Variants in GREB1 observed in about 807,000 individuals in gnomAD.
GREB1 encodes protein GREB1.
GREB1 carries 106 observed loss-of-function variants against 200.7 expected under a neutral mutation model. That is an observed-to-expected ratio of 0.53 (90% CI 0.45 to 0.62). The LOEUF (loss-of-function observed/expected upper bound fraction) is 0.62. GREB1 is among the 20% of genes least tolerant of loss of function. GREB1 has a pLI of 0.00. For missense variants in GREB1, 2,243 were observed against 2,556.8 expected (o/e 0.88, Z 2.65); for synonymous variants, 1,132 against 1,092.4 (o/e 1.04, Z -0.72).
intron 1 of GREB1, among the ~76,000 whole-genome samples, chr2:11,512,446 G>C (rs1206946922): frequency 6.6e-6 from 1 of 152,202 alleles, no homozygotes; most frequent in Non-Finnish European, 1.5e-5. Context: ...TGTGTATTTA[G>C]TAATGAATGC....
At chr2:11,619,396 G>T (rs1256943386) in intron 22 of GREB1, among the ~76,000 whole-genome samples, 2 of 152,162 alleles carry the variant, frequency 1.3e-5, no homozygotes, top group African/African-American at 4.8e-5. Flanking sequence ...GTGAGCCTGT[G>T]GGGAGGAGGA....
In GREB1 at chr2:11,585,204, G is replaced by A. The variant is rs1306510911; in HGVS notation, c.945G>A (p.Gly315=). Residue 315 remains glycine, a synonymous_variant, in exon 8 of 33, where the codon GGG becomes GGA. Transcript: ENST00000381486. ...NSGPPKKRHK[G]WSPESPSAPD... ...GGCCCCCCAAAAAACGCCACAAAGG[G>A]TGGTCTCCAGAATCTCCATCAGCTC... is the stretch of plus-strand genomic sequence containing the variant. 1 of 1,586,882 alleles carries A rather than the reference G, an allele frequency of 6.3e-7. No homozygotes were observed. Among genetic ancestry groups the A allele is most frequent in the Non-Finnish European group, 8.6e-7 (1 of 1,169,272 alleles).
intron 23 of GREB1, among the ~76,000 whole-genome samples, chr2:11,624,564 C>T (rs1405948583): frequency 2.6e-5 from 4 of 151,960 alleles, no homozygotes; most frequent in South Asian, 2.1e-4. Context: ...AGACTGGTCT[C>T]GAACTCCTGA....
At chr2:11,542,726 A>C (rs1250620855) in intron 1 of GREB1, 2 of 152,642 alleles carry the variant, frequency 1.3e-5, no homozygotes, top group Non-Finnish European at 2.9e-5. Context: ...GTTCATGGAG[A>C]AAGAATCAAA....
intron 1 of GREB1, among the ~76,000 whole-genome samples, chr2:11,549,610 G>A (rs546788690): frequency 3.9e-5 from 6 of 152,148 alleles, no homozygotes; most frequent in Admixed American, 6.5e-5. Flanking sequence ...TCCATTCTTT[G>A]TATCTTGATC....
At chr2:11,618,149 GGT>G in intron 21 of GREB1, 137 bp from the exon 22 acceptor site, 2 of 530,184 alleles carry the variant, frequency 3.8e-6, no homozygotes, top group Non-Finnish European at 6.3e-6. Flanking sequence ...TCCTGGGACA[GGT>G]CACTCCTGGG....
chr2:11,578,127 C>T (rs533800461), intron 5 of GREB1, among the ~76,000 whole-genome samples, 170 bp from the exon 6 acceptor site: 6 of 152,304 alleles, frequency 3.9e-5, no homozygotes, highest in African/African-American at 9.6e-5. Flanking sequence ...AGTAGAGAGT[C>T]GCACCCCTGC....
At chr2:11,631,440 A>G (rs1303792579) in intron 26 of GREB1, among the ~76,000 whole-genome samples, 1 of 152,232 alleles carries the variant, frequency 6.6e-6, no homozygotes, top group Non-Finnish European at 1.5e-5. Context: ...GCTATATGCC[A>G]GTTAATTTCC....
intron 9 of GREB1, among the ~76,000 whole-genome samples, chr2:11,586,732 GA>G (rs1484451218): frequency 6.6e-6 from 1 of 152,196 alleles, no homozygotes; most frequent in Non-Finnish European, 1.5e-5. Context: ...TGTTAATTAA[GA>G]AATAAGAAAG....
chr2:11,599,041 A>T (rs911442965), intron 15 of GREB1, among the ~76,000 whole-genome samples, 181 bp downstream of exon 15: 1 of 152,186 alleles, frequency 6.6e-6, no homozygotes, highest in African/African-American at 2.4e-5. Flanking sequence ...CTCAGGGATT[A>T]TCCAGTGTGA....
chr2:11,585,352 G>GCACGCACACACGCA, intron 8 of GREB1, 78 bp downstream of exon 8: 1 of 832,612 alleles, frequency 1.2e-6, no homozygotes, highest in Non-Finnish European at 1.9e-6. Flanking sequence ...GTGTATGTGT[G>GCACGCACACACGCA]CGTGTGTGCG....
chr2:11,514,846 A>T (rs1347622939), intron 1 of GREB1, among the ~76,000 whole-genome samples: 1 of 152,238 alleles, frequency 6.6e-6, no homozygotes, highest in East Asian at 1.9e-4. Context: ...GGCATCAGTC[A>T]TCTCTGTATG....
intron 7 of GREB1, among the ~76,000 whole-genome samples, chr2:11,582,063 G>C (rs115303839): frequency 0.37 from 29,707 of 80,472 alleles, 4,020 homozygotes; most frequent in African/African-American, 0.6. Flanking sequence ...CTTCTCTGCC[G>C]GTGCTGCATT....
chr2:11,591,414 C>T (rs774648323), intron 10 of GREB1: 42 of 730,682 alleles, frequency 5.7e-5, no homozygotes, highest in Admixed American at 1.6e-4. Flanking sequence ...ATACGAAATC[C>T]GGACGTATAA....
chr2:11,615,320 T>A, intron 20 of GREB1, 30 bp downstream of exon 20: 1 of 1,520,874 alleles, frequency 6.6e-7, no homozygotes, highest in African/African-American at 1.4e-5. Context: ...AGCCTACTTG[T>A]CCCTGTCTGC....
intron 1 of GREB1, among the ~76,000 whole-genome samples, chr2:11,516,311 G>GGTGTGTGTGTGTGTGT (rs60141733): frequency 1.9e-4 from 28 of 143,960 alleles, no homozygotes; most frequent in African/African-American, 6.4e-4. Flanking sequence ...TTTTCCTGCA[G>GGTGTGTGTGTGTGTGT]GTGTGTGTGT....
rs753331591 is a variant in GREB1 at position 11,611,015 on chromosome 2, A to G, written c.2994A>G (p.Val998=). 7 of 1,588,400 alleles carry G rather than the reference A, an allele frequency of 4.4e-6. No homozygotes were observed. The East Asian group carries it at 1.4e-4, about 31-fold the overall frequency. Residue 998 remains valine, a synonymous_variant, in exon 18 of 33, where the codon GTA becomes GTG. Transcript: ENST00000381486. ...GCGTCACCGTGGGGAAGCACTTCGT[A>G]AAGCAGCTCAGGGTAGGTGCTGTGC... The part of the protein sequence containing the change: ...SSGVTVGKHF[V]KQLRMWQKIE...
chr2:11,529,074 G>C (rs1006500021), upstream of GREB1, among the ~76,000 whole-genome samples: 3 of 152,160 alleles, frequency 2.0e-5, no homozygotes, highest in Non-Finnish European at 4.4e-5. Context: ...AAAATAATGG[G>C]AAGAGTAATC....
chr2:11,637,991 C>A, intron 31 of GREB1, 75 bp downstream of exon 31: 2 of 1,276,920 alleles, frequency 1.6e-6, no homozygotes, highest in Non-Finnish European at 1.1e-6. Context: ...GAATCTGGGA[C>A]TCTGAATCCT....
Sources: allele counts gnomAD v4.1 joint callset (sites outside exome capture counted in the v4.1 genomes callset), GRCh38; gene constraint gnomAD v4.1.1; transcripts MANE v1.5; gene names NCBI Gene and HGNC (gene_info 2026-07-23, HGNC 2026-07-21).